NRG3: variants seen among roughly 807,000 people sequenced by gnomAD.
The protein encoded by NRG3 is neuregulin 3.
In NRG3, 31 loss-of-function variants were observed where a neutral mutation model predicts 66.9. The observed-to-expected ratio is 0.46, with a 90% CI of 0.35 to 0.63. The LOEUF is 0.63. Among genes scored for constraint, NRG3 ranks in the 20% least tolerant of loss-of-function variants. The probability of loss-of-function intolerance (pLI) is 0.00; values close to 1 mark genes in which losing one functional copy is unlikely to be tolerated. For synonymous variants in NRG3, 393 were observed against 359.4 expected (o/e 1.09, Z -1.06); for missense variants, 910 against 878.9 (o/e 1.04, Z -0.45).
chr10:82,193,537 T>C (rs1030674808), intron 1 of NRG3, among the ~76,000 whole-genome samples: 2 of 152,158 alleles, frequency 1.3e-5, no homozygotes, highest in African/African-American at 4.8e-5. Flanking sequence ...CAGAGAAAAT[T>C]GTCAGTGTCT....
chr10:82,839,888 A>G (rs1035985867), intron 3 of NRG3, among the ~76,000 whole-genome samples: 1 of 152,128 alleles, frequency 6.6e-6, no homozygotes, highest in Non-Finnish European at 1.5e-5. Context: ...ATATCTATCT[A>G]TAGGTATTAA....
chr10:82,567,978 A>T (rs2045514485), intron 2 of NRG3, among the ~76,000 whole-genome samples: 1 of 151,898 alleles, frequency 6.6e-6, no homozygotes, highest in South Asian at 2.1e-4. Flanking sequence ...GGAGTGAGAC[A>T]CCCTGTAACC....
intron 1 of NRG3, among the ~76,000 whole-genome samples, chr10:82,080,273 G>A (rs565168899): frequency 1.9e-4 from 29 of 152,214 alleles, no homozygotes; most frequent in African/African-American, 6.7e-4. Context: ...GTTATTTTAA[G>A]GGTTTTGCCT....
chr10:82,569,394 G>GATTTTAAACTGATTTTAACT, intron 2 of NRG3, among the ~76,000 whole-genome samples: 1 of 151,782 alleles, frequency 6.6e-6, no homozygotes, highest in South Asian at 2.1e-4. Flanking sequence ...ACTCTGAAAT[G>GATTTTAAACTGATTTTAACT]GATGAGAAGG....
chr10:82,304,983 CTTTTTTTTTTTTTTTTTT>C (rs760661674), intron 1 of NRG3, among the ~76,000 whole-genome samples: 1 of 73,832 alleles, frequency 1.4e-5, no homozygotes, highest in African/African-American at 6.4e-5. Context: ...TCAGATTCCT[CTTTTTTTTTTTTTTTTTT>C]TTTTTTTTTT....
At chr10:82,343,879 G>A (rs1006862239) in intron 1 of NRG3, among the ~76,000 whole-genome samples, 11 of 152,098 alleles carry the variant, frequency 7.2e-5, no homozygotes, top group East Asian at 3.9e-4. Context: ...CCTCCAGGAC[G>A]CTGCTTCTCT....
At chr10:82,168,611 A>G (rs977536715) in intron 1 of NRG3, among the ~76,000 whole-genome samples, 1 of 152,134 alleles carries the variant, frequency 6.6e-6, no homozygotes, top group Non-Finnish European at 1.5e-5. Flanking sequence ...CCTGTGAATG[A>G]TATACCTCAG....
chr10:81,977,245 G>A (rs992328087), intron 1 of NRG3, among the ~76,000 whole-genome samples: 4 of 152,058 alleles, frequency 2.6e-5, no homozygotes, highest in Non-Finnish European at 4.4e-5. Context: ...CTTCCATGTT[G>A]TAGGGTAGCT....
chr10:82,675,171 G>T (rs2053590679), intron 2 of NRG3, among the ~76,000 whole-genome samples: 1 of 152,070 alleles, frequency 6.6e-6, no homozygotes, highest in Non-Finnish European at 1.5e-5. Flanking sequence ...TGACGAGGCT[G>T]CTCTTGAACT....
At chr10:82,028,636 GCC>G in intron 1 of NRG3, among the ~76,000 whole-genome samples, 1 of 152,060 alleles carries the variant, frequency 6.6e-6, no homozygotes, top group Admixed American at 6.6e-5. Context: ...GCAACATTCT[GCC>G]CTCAGATCAG....
At chr10:81,909,436 G>A (rs900299320) in intron 1 of NRG3, among the ~76,000 whole-genome samples, 3 of 152,102 alleles carry the variant, frequency 2.0e-5, no homozygotes, top group Non-Finnish European at 4.4e-5. Context: ...TGGTATTAAC[G>A]GGTATGGTAG....
intron 4 of NRG3, among the ~76,000 whole-genome samples, chr10:82,890,713 T>A (rs921866513): frequency 6.6e-6 from 1 of 152,228 alleles, no homozygotes; most frequent in Admixed American, 6.5e-5. Context: ...GTGGTTTTGT[T>A]GTTTTGTCCT....
chr10:82,107,798 CA>C (rs367851733), intron 1 of NRG3, among the ~76,000 whole-genome samples: 4 of 151,676 alleles, frequency 2.6e-5, no homozygotes, highest in Non-Finnish European at 5.9e-5. Context: ...AGGAGGGAGT[CA>C]AAAAAAGAAA....
intron 1 of NRG3, among the ~76,000 whole-genome samples, chr10:82,176,906 A>ACAC (rs1251109253): frequency 4.3e-3 from 220 of 51,566 alleles, no homozygotes; most frequent in African/African-American, 0.014. Flanking sequence ...CACACACACA[A>ACAC]ACACACACAC....
chr10:82,329,706 T>G (rs2082048948), intron 1 of NRG3, among the ~76,000 whole-genome samples: 1 of 152,242 alleles, frequency 6.6e-6, no homozygotes, highest in African/African-American at 2.4e-5. Flanking sequence ...ATGACATTTC[T>G]GTCTCCAAAC....
intron 2 of NRG3, among the ~76,000 whole-genome samples, chr10:82,585,343 A>G (rs1030583721): frequency 6.6e-6 from 1 of 152,218 alleles, no homozygotes; most frequent in African/African-American, 2.4e-5. Context: ...GACTAATGAA[A>G]ATAAGCAGAA....
chr10:82,380,699 G>T (rs1259015227), intron 2 of NRG3, among the ~76,000 whole-genome samples: 3 of 152,030 alleles, frequency 2.0e-5, no homozygotes, highest in Non-Finnish European at 4.4e-5. Flanking sequence ...ATTTTTGAGG[G>T]ATTCTAGTAG....
chr10:82,631,455 GAGATACATACAGTCTGAA>G (rs545436447), intron 2 of NRG3, among the ~76,000 whole-genome samples: 35 of 152,262 alleles, frequency 2.3e-4, no homozygotes, highest in African/African-American at 8.4e-4. Context: ...CTCTTCCGAA[GAGATACATACAGTCTGAA>G]AGTAATGATA....
chr10:82,092,753 G>T (rs2066102431), intron 1 of NRG3, among the ~76,000 whole-genome samples: 1 of 152,078 alleles, frequency 6.6e-6, no homozygotes, highest in Non-Finnish European at 1.5e-5. Context: ...GTTTCCATTT[G>T]GGGAAAAAGT....
Sources: gnomAD v4.1 joint callset for allele counts (sites outside exome capture counted in the v4.1 genomes callset) on GRCh38, gnomAD v4.1.1 for gene constraint, MANE v1.5 for transcripts, NCBI Gene and HGNC (gene_info 2026-07-23, HGNC 2026-07-21) for gene names.